The following RXRA variants were observed in gnomAD, a reference collection of about 807,000 sequenced individuals.
RXRA encodes the protein retinoic acid receptor RXR-alpha.
A neutral mutation model predicts 44.5 loss-of-function variants in RXRA; 5 were observed. That is an observed-to-expected ratio of 0.11 (90% CI 0.06 to 0.24). The LOEUF (loss-of-function observed/expected upper bound fraction) is 0.24. Among genes scored for constraint, RXRA ranks in the 10% least tolerant of loss-of-function variants. The pLI is 1.00. For missense variants in RXRA, 412 were observed against 646.5 expected, an observed-to-expected ratio of 0.64 and a Z score of 3.93; for synonymous variants, 291 against 271.4, an observed-to-expected ratio of 1.07 and a Z score of -0.71.
chr9:134,359,162 C>T (rs1830319206), intron 1 of RXRA, among the ~76,000 whole-genome samples: 1 of 152,090 alleles, frequency 6.6e-6, no homozygotes, highest in African/African-American at 2.4e-5. Flanking sequence ...TTGGGGTCCC[C>T]TGCTCACATC....
Position 134,417,388 on chromosome 9 carries a change from C to G in RXRA, c.780+61C>G. 6.4e-7 allele frequency: 1 copy of G among 1,561,460 alleles called. No individual in the cohort carries two copies. Among genetic ancestry groups the G allele is most frequent in the Non-Finnish European group, 8.7e-7 (1 of 1,144,612 alleles). ...CATGCCTCAGTTTCCCTCACTCACT[C>G]ACCCTCCCACCTGAGCAGCTGATGA... On this transcript the variant is annotated intron_variant, in intron 5 of 9. Coordinates refer to ENST00000481739, the MANE Select transcript of RXRA (RefSeq NM_002957.6). The surrounding 1 kb of genome is among the most constrained non-coding windows in gnomAD (Gnocchi z 6.1).
intron 6 of RXRA, chr9:134,423,542 C>T: frequency 1.0e-6 from 1 of 985,320 alleles, no homozygotes; most frequent in South Asian, 4.7e-5. Context: ...TCGCCACCCT[C>T]CTGGAAGGAC....
At chr9:134,385,574 C>G (rs1830707301) in intron 1 of RXRA, among the ~76,000 whole-genome samples, 1 of 152,258 alleles carries the variant, frequency 6.6e-6, no homozygotes, top group African/African-American at 2.4e-5. Context: ...CTAGGGCTCC[C>G]TGCTCAGTGT....
chr9:134,426,081 G>GT lies in RXRA; in HGVS notation c.911-3026dup. 1 of 985,454 alleles carries GT rather than the reference G, an allele frequency of 1.0e-6. No homozygotes were observed. The highest frequency in any genetic ancestry group is 1.2e-6 in the Non-Finnish European group (1 of 829,928). The allele number at this position is 985,454 out of a possible 1,614,324, so 61.0% of individuals were successfully genotyped here. On this transcript the variant is annotated intron_variant, in intron 6 of 9. Transcript: ENST00000481739. The surrounding 1 kb of genome is among the most constrained non-coding windows in gnomAD (Gnocchi z 4.6). ...GCAGGGCCACGAGGGATCTGCAGGA[G>GT]TAAGTTCCTTGGGAAGGGCCAGCCT...
chr9:134,361,600 C>G (rs577887305), intron 1 of RXRA, among the ~76,000 whole-genome samples: 1 of 152,226 alleles, frequency 6.6e-6, no homozygotes, highest in African/African-American at 2.4e-5. Context: ...CCTTCCACAC[C>G]GTCAGTGGCC....
chr9:134,430,100 A>T (rs1831507662), intron 7 of RXRA, among the ~76,000 whole-genome samples: 1 of 151,974 alleles, frequency 6.6e-6, no homozygotes, highest in African/African-American at 2.4e-5. Context: ...GTTAGCCAGG[A>T]TGGTCTCGAT....
intron 6 of RXRA, chr9:134,423,320 G>A (rs1831379240): frequency 2.0e-6 from 2 of 985,322 alleles, no homozygotes; most frequent in African/African-American, 1.7e-5. Flanking sequence ...CCTTAGGGCC[G>A]GGTGTCCCAG....
intron 1 of RXRA, among the ~76,000 whole-genome samples, chr9:134,381,704 C>T (rs34208214): frequency 0.78 from 118,915 of 152,066 alleles, 47,281 homozygotes; most frequent in African/African-American, 0.93. Flanking sequence ...CTCAGGTGGA[C>T]TTGGGGGTGG....
At position 134,434,866 on chromosome 9, in the gene RXRA, A is replaced by T. The variant is rs12336087; in HGVS notation, c.1241+659A>T. Among the ~76,000 whole-genome samples, 112 of 103,684 alleles carry T rather than the reference A, an allele frequency of 1.1e-3. 2 individuals are homozygous for T. The highest frequency in any genetic ancestry group is 3.0e-3 in the African/African-American group (96 of 31,596). 68.0% of individuals were successfully genotyped at this position (103,684 alleles called of 152,430 possible). On this transcript the variant is annotated intron_variant, in intron 9 of 9. Transcript: ENST00000481739. ...TTGATCCTCAGACTGTGGGGCGGGGAGGGGGTCGGGGGAGGTGGGGCCCAG... is the reference window on the plus strand; with the variant it reads ...TTGATCCTCAGACTGTGGGGCGGGGTGGGGGTCGGGGGAGGTGGGGCCCAG...
intron 6 of RXRA, chr9:134,422,343 C>CA (rs1831355022): frequency 7.8e-7 from 1 of 1,280,700 alleles, no homozygotes; most frequent in Non-Finnish European, 1.0e-6. Context: ...GACACTACCC[C>CA]CTCCCGGGAC....
intron 1 of RXRA, among the ~76,000 whole-genome samples, chr9:134,356,694 TG>T (rs1373948531): frequency 6.6e-6 from 1 of 152,234 alleles, no homozygotes; most frequent in East Asian, 1.9e-4. Context: ...TAGCCATCCT[TG>T]GCTGCCTGCA....
chr9:134,338,618 C>G (rs1457525506), intron 1 of RXRA, among the ~76,000 whole-genome samples: 1 of 152,240 alleles, frequency 6.6e-6, no homozygotes, highest in Non-Finnish European at 1.5e-5. Flanking sequence ...TGCTTGCCGG[C>G]TGCTGGTGGG....
chr9:134,367,204 C>T (rs1287952672), intron 1 of RXRA, among the ~76,000 whole-genome samples: 1 of 152,196 alleles, frequency 6.6e-6, no homozygotes, highest in African/African-American at 2.4e-5. Flanking sequence ...CAGTGCCCCG[C>T]CTGACCCCAC....
intron 1 of RXRA, among the ~76,000 whole-genome samples, chr9:134,346,924 A>C (rs1276862352): frequency 6.6e-6 from 1 of 152,158 alleles, no homozygotes; most frequent in East Asian, 1.9e-4. Flanking sequence ...GGGGGAGGGC[A>C]AGGCTGGTGG....
In RXRA at chr9:134,407,435, G is replaced by A. The variant is rs1023699475; in HGVS notation, c.280-714G>A. 6.6e-6 allele frequency among the ~76,000 whole-genome samples: 1 copy of A among 152,208 alleles called. No individual in the cohort carries two copies. Among genetic ancestry groups the A allele is most frequent in the South Asian group, 2.1e-4 (1 of 4,832 alleles). ...GCGCTGACTGCAGAGCTGGGTGGAG[G>A]CAGCGGAACCAAAACTGCTGTGTCA... is the stretch of plus-strand genomic sequence containing the variant. On this transcript the variant is annotated intron_variant, in intron 2 of 9. Transcript: ENST00000481739. The surrounding 1 kb of genome is among the most constrained non-coding windows in gnomAD (Gnocchi z 4.8).
intron 7 of RXRA, among the ~76,000 whole-genome samples, chr9:134,431,047 G>T (rs1831523741): frequency 6.6e-6 from 1 of 152,210 alleles, no homozygotes; most frequent in Non-Finnish European, 1.5e-5. Flanking sequence ...AATCAACCAG[G>T]GCACTCCCCA....
chr9:134,404,737 G>C (rs1831022281), intron 2 of RXRA: 1 of 152,372 alleles, frequency 6.6e-6, no homozygotes, highest in Non-Finnish European at 1.5e-5. Context: ...CAGAGGAGCT[G>C]GTTTGCTCCT....
chr9:134,409,241 G>A, intron 4 of RXRA, 122 bp downstream of exon 4: 1 of 1,032,066 alleles, frequency 9.7e-7, no homozygotes, highest in Non-Finnish European at 1.4e-6. Context: ...AGCATGGCAA[G>A]GCCAAGGCAG....
rs1831570635 is a variant in RXRA, at chr9:134,433,782, G to A, written c.1136-320G>A. Among the ~76,000 whole-genome samples the A allele has an allele frequency of 6.6e-6, 1 of 152,192 alleles. No homozygotes were observed. Among genetic ancestry groups the A allele is most frequent in the African/African-American group, 2.4e-5 (1 of 41,446 alleles). ...CAGTTCCCAAGGCGGCTGGAAGGAA[G>A]GCAGCAGATCCCTGACACTTTATCG... is the stretch of plus-strand genomic sequence containing the variant. On this transcript the variant is annotated intron_variant, in intron 8 of 9. Coordinates refer to ENST00000481739, the MANE Select transcript of RXRA (RefSeq NM_002957.6). The surrounding 1 kb of genome is among the most constrained non-coding windows in gnomAD (Gnocchi z 4.2).
Sources: gnomAD v4.1 joint callset for allele counts (sites outside exome capture counted in the v4.1 genomes callset) on GRCh38, gnomAD v4.1.1 for gene constraint, Gnocchi (gnomAD v3.1) non-coding constraint, MANE v1.5 for transcripts, NCBI Gene and HGNC (gene_info 2026-07-23, HGNC 2026-07-21) for gene names.